TNIK: variants seen among roughly 807,000 people sequenced by gnomAD.
TNIK encodes TRAF2 and NCK interacting kinase, also known as TRAF2 and NCK-interacting protein kinase.
A neutral mutation model predicts 191.3 loss-of-function variants in TNIK; 49 were observed. The observed-to-expected ratio is 0.26, with a 90% CI of 0.20 to 0.32. TNIK has a LOEUF of 0.32. Among genes scored for constraint, TNIK ranks in the 10% least tolerant of loss-of-function variants. The probability of loss-of-function intolerance (pLI) is 1.00; values close to 1 mark genes in which losing one functional copy is unlikely to be tolerated. For synonymous variants in TNIK, 594 were observed against 600.9 expected (o/e 0.99, Z 0.17); for missense variants, 1,155 against 1,702.3 (o/e 0.68, Z 5.66).
chr3:171,372,061 GCTTC>G (rs1716562448), intron 1 of TNIK, among the ~76,000 whole-genome samples: 1 of 152,164 alleles, frequency 6.6e-6, no homozygotes. Flanking sequence ...GCAGGAATCA[GCTTC>G]TACATCCAAA....
intron 1 of TNIK, among the ~76,000 whole-genome samples, chr3:171,445,717 A>C (rs1240749860): frequency 6.6e-6 from 1 of 152,204 alleles, no homozygotes; most frequent in Non-Finnish European, 1.5e-5. Context: ...AGAAGTAGTT[A>C]ATACAGTCAA....
chr3:171,445,707 A>G (rs1200978375), intron 1 of TNIK, among the ~76,000 whole-genome samples: 1 of 152,212 alleles, frequency 6.6e-6, no homozygotes, highest in East Asian at 1.9e-4. Flanking sequence ...CAAAACAGCA[A>G]GAAGTAGTTA....
intron 1 of TNIK, 110 bp downstream of exon 1, chr3:171,459,897 C>T (rs1293579980): frequency 7.5e-7 from 1 of 1,333,042 alleles, no homozygotes; most frequent in Non-Finnish European, 1.0e-6. Flanking sequence ...CTCCCCGACG[C>T]ATTCTCCCGC....
In TNIK at chr3:171,326,735, TC is replaced by T. The variant is rs139307156; in HGVS notation, c.123+42884del. Reference sequence around the variant, plus strand: ...GCAAATGCTTCTAGTCTGGAAATCATCCTTTGAGAAACACCAGTCTGTGCAA... The same window carrying T: ...GCAAATGCTTCTAGTCTGGAAATCATCTTTGAGAAACACCAGTCTGTGCAA... On this transcript the variant is annotated intron_variant, in intron 2 of 32. Coordinates refer to ENST00000436636, the MANE Select transcript of TNIK (RefSeq NM_015028.4). Among the ~76,000 whole-genome samples, 1,273 of 152,338 alleles carry T rather than the reference TC, an allele frequency of 8.4e-3. 16 individuals are homozygous for T. Among genetic ancestry groups the T allele is most frequent in the African/African-American group, 0.029 (1,221 of 41,562 alleles).
chr3:171,285,850 C>T (rs13071482), intron 2 of TNIK, among the ~76,000 whole-genome samples: 3,890 of 152,246 alleles, frequency 0.026, 60 homozygotes, highest in Middle Eastern at 0.037. Context: ...AGGCCCCAGG[C>T]CTTGGTGATT....
intron 23 of TNIK, among the ~76,000 whole-genome samples, chr3:171,088,760 T>C (rs941374642): frequency 5.9e-5 from 9 of 152,342 alleles, no homozygotes; most frequent in East Asian, 1.9e-4. Context: ...AGTGCCCACA[T>C]TGTAGGCCTG....
intron 12 of TNIK, among the ~76,000 whole-genome samples, chr3:171,147,612 A>G (rs1307244359): frequency 6.6e-6 from 1 of 152,216 alleles, no homozygotes; most frequent in Non-Finnish European, 1.5e-5. Context: ...AATGAAATAA[A>G]AACAAAAATA....
At chr3:171,160,277 T>C (rs1431790281) in intron 11 of TNIK, among the ~76,000 whole-genome samples, 1 of 152,132 alleles carries the variant, frequency 6.6e-6, no homozygotes, top group African/African-American at 2.4e-5. Flanking sequence ...CATCTTCTTA[T>C]AGAAGCTTAG....
intron 2 of TNIK, among the ~76,000 whole-genome samples, chr3:171,289,994 C>T (rs990747471): frequency 6.6e-6 from 1 of 151,470 alleles, no homozygotes; most frequent in South Asian, 2.1e-4. Flanking sequence ...TAATACGATT[C>T]ATTTGGGCCT....
At chr3:171,097,288 T>C (rs556348961) in intron 22 of TNIK, among the ~76,000 whole-genome samples, 15 of 152,300 alleles carry the variant, frequency 9.8e-5, no homozygotes, top group African/African-American at 3.6e-4. Context: ...GAGTCTGTAA[T>C]ACTAAAGGCA....
chr3:171,123,356 T>C (rs1164958226), intron 18 of TNIK, among the ~76,000 whole-genome samples: 1 of 152,252 alleles, frequency 6.6e-6, no homozygotes, highest in African/African-American at 2.4e-5. Flanking sequence ...GTACATCTGA[T>C]TGGTTTCTGG....
intron 2 of TNIK, among the ~76,000 whole-genome samples, chr3:171,315,453 G>T (rs775504645): frequency 6.6e-5 from 10 of 152,036 alleles, no homozygotes; most frequent in Admixed American, 1.3e-4. Flanking sequence ...GTGCACCATG[G>T]TGTTGTGCAT....
At chr3:171,160,245 G>A (rs61657392) in intron 11 of TNIK, among the ~76,000 whole-genome samples, 9,483 of 152,166 alleles carry the variant, frequency 0.062, 965 homozygotes, top group African/African-American at 0.22. Flanking sequence ...AGAAAAACTG[G>A]ATGGCTCTGA....
chr3:171,356,822 G>A (rs1714148900), intron 2 of TNIK, among the ~76,000 whole-genome samples: 1 of 152,082 alleles, frequency 6.6e-6, no homozygotes, highest in South Asian at 2.1e-4. Context: ...TCTAACTTAT[G>A]GGGTTACTGT....
At chr3:171,375,036 C>A (rs1489455316) in intron 1 of TNIK, among the ~76,000 whole-genome samples, 1 of 152,164 alleles carries the variant, frequency 6.6e-6, no homozygotes, top group African/African-American at 2.4e-5. Flanking sequence ...CTTCATGGAA[C>A]CATAATCCCC....
At chr3:171,253,047 C>T (rs1031989289) in intron 2 of TNIK, among the ~76,000 whole-genome samples, 2 of 151,250 alleles carry the variant, frequency 1.3e-5, no homozygotes, top group Non-Finnish European at 2.9e-5. Flanking sequence ...GAGGCCGAGG[C>T]GAGTGGATCA....
intron 1 of TNIK, among the ~76,000 whole-genome samples, chr3:171,452,957 T>A (rs1728365987): frequency 6.6e-6 from 1 of 152,122 alleles, no homozygotes. Context: ...TCCACTGGAA[T>A]TGTACTCTAC....
chr3:171,384,500 T>C (rs552532794), intron 1 of TNIK, among the ~76,000 whole-genome samples: 14 of 152,180 alleles, frequency 9.2e-5, no homozygotes, highest in Non-Finnish European at 1.6e-4. Flanking sequence ...GTTATCCCAA[T>C]GCATATTAAT....
At chr3:171,372,804 A>T (rs1353020) in intron 1 of TNIK, among the ~76,000 whole-genome samples, 128,379 of 152,190 alleles carry the variant, frequency 0.84, 54,719 homozygotes, top group Non-Finnish European at 0.91. Flanking sequence ...ATACCACAAC[A>T]TACACTACAA....
Sources: gnomAD v4.1 joint callset for allele counts (sites outside exome capture counted in the v4.1 genomes callset) on GRCh38, gnomAD v4.1.1 for gene constraint, MANE v1.5 for transcripts, NCBI Gene and HGNC (gene_info 2026-07-23, HGNC 2026-07-21) for gene names.